The following PLAUR variants were observed in gnomAD, a reference collection of about 807,000 sequenced individuals.
PLAUR encodes plasminogen activator, urokinase receptor.
A neutral mutation model predicts 33.4 loss-of-function variants in PLAUR; 22 were observed. The observed-to-expected ratio is 0.66, with a 90% CI of 0.47 to 0.94. PLAUR has a LOEUF of 0.94. Among genes scored for constraint, PLAUR ranks in the 40% least tolerant of loss-of-function variants. The pLI is 0.00. For synonymous variants in PLAUR, 148 were observed against 167.3 expected, an observed-to-expected ratio of 0.88 and a Z score of 0.89; for missense variants, 408 against 434.7, an observed-to-expected ratio of 0.94 and a Z score of 0.55.
chr19:43,669,502 A>C (rs1322334193), intron 1 of PLAUR, among the ~76,000 whole-genome samples: 2 of 152,180 alleles, frequency 1.3e-5, no homozygotes, highest in Admixed American at 1.3e-4. Flanking sequence ...GAGGCTTCGA[A>C]GAACTCCATT....
At chr19:43,650,782 C>T (rs1184765862) in intron 6 of PLAUR, among the ~76,000 whole-genome samples, 2 of 151,906 alleles carry the variant, frequency 1.3e-5, no homozygotes, top group South Asian at 2.1e-4. Flanking sequence ...CATCTGTAAT[C>T]CCAGCACTTT....
chr19:43,656,925 T>A, intron 3 of PLAUR: 2 of 242,584 alleles, frequency 8.2e-6, no homozygotes, highest in Non-Finnish European at 1.6e-5. Context: ...CACATGGCCC[T>A]AGAAACATTT....
At chr19:43,646,942 G>A (rs1425034438), downstream of PLAUR, among the ~76,000 whole-genome samples, 4 of 151,658 alleles carry the variant, frequency 2.6e-5, no homozygotes, top group Admixed American at 6.6e-5. Context: ...CACCTTACCC[G>A]GTTAATTTTT....
intron 2 of PLAUR, chr19:43,667,197 C>T (rs344785): frequency 0.53 from 106,859 of 201,012 alleles, 28,770 homozygotes; most frequent in African/African-American, 0.57. Context: ...TCCAATTTTC[C>T]ATGTCACAAA....
intron 3 of PLAUR, among the ~76,000 whole-genome samples, chr19:43,662,745 C>T (rs1453479952): frequency 2.0e-5 from 3 of 149,546 alleles, no homozygotes; most frequent in Admixed American, 6.7e-5. Context: ...TGCAGGATCT[C>T]GCTCTGTCAC....
chr19:43,668,074 C>CA, intron 1 of PLAUR: 1 of 1,044,700 alleles, frequency 9.6e-7, no homozygotes, highest in African/African-American at 1.7e-5. Context: ...TACGCCTCTC[C>CA]AGTTCTGCTG....
chr19:43,652,989 T>A (rs186265663), intron 5 of PLAUR, among the ~76,000 whole-genome samples: 318 of 151,942 alleles, frequency 2.1e-3, no homozygotes, highest in African/African-American at 6.9e-3. Flanking sequence ...TACTAAAAAA[T>A]TTTTTTTGAG....
intron 1 of PLAUR, among the ~76,000 whole-genome samples, chr19:43,669,328 C>A (rs960812948): frequency 1.3e-5 from 2 of 152,164 alleles, no homozygotes; most frequent in African/African-American, 4.8e-5. Flanking sequence ...GAGGGGGAGA[C>A]CCAGCAGCGT....
chr19:43,655,991 ACGCTTGT>A (rs1175818250), intron 4 of PLAUR, among the ~76,000 whole-genome samples: 1 of 152,172 alleles, frequency 6.6e-6, no homozygotes, highest in Non-Finnish European at 1.5e-5. Context: ...GTGGTGGCTC[ACGCTTGT>A]AATCCCAGCA....
At chr19:43,655,603 G>T (rs1436136567) in intron 4 of PLAUR, 30 bp from the exon 5 acceptor site, 1 of 1,601,270 alleles carries the variant, frequency 6.2e-7, no homozygotes, top group Non-Finnish European at 8.5e-7. Context: ...GAGGTCAGAT[G>T]TCAGATTGTG....
At chr19:43,656,753 A>G in intron 3 of PLAUR, 113 bp from the exon 4 acceptor site, 1 of 833,434 alleles carries the variant, frequency 1.2e-6, no homozygotes, top group Non-Finnish European at 1.8e-6. Context: ...GCAGCCAGTC[A>G]TTGAGCCCTG....
intron 4 of PLAUR, 72 bp downstream of exon 4, chr19:43,656,407 G>A: frequency 1.5e-6 from 2 of 1,351,800 alleles, no homozygotes; most frequent in South Asian, 3.0e-5. Flanking sequence ...GTTACTTTGG[G>A]GTTGTTTGTT....
chr19:43,659,162 C>CTTTT (rs1555780377), intron 3 of PLAUR, among the ~76,000 whole-genome samples: 1 of 10,754 alleles, frequency 9.3e-5, no homozygotes, highest in Non-Finnish European at 1.9e-4. Flanking sequence ...TTTTTCTTTT[C>CTTTT]TTTTCTTTTT....
intron 3 of PLAUR, among the ~76,000 whole-genome samples, chr19:43,658,623 A>G (rs912755311): frequency 1.3e-5 from 2 of 152,100 alleles, no homozygotes; most frequent in African/African-American, 2.4e-5. Context: ...TCATTCCTCT[A>G]CCCAGCCCTT....
intron 3 of PLAUR, chr19:43,661,482 T>C (rs1170513916): frequency 6.6e-6 from 1 of 151,732 alleles, no homozygotes; most frequent in East Asian, 2.0e-4. Flanking sequence ...CTGTAACCTC[T>C]ACCTCCCGGG....
intron 1 of PLAUR, chr19:43,668,094 T>C: frequency 9.8e-7 from 1 of 1,022,536 alleles, no homozygotes; most frequent in Non-Finnish European, 1.2e-6. Flanking sequence ...GGGGACGTTC[T>C]AGCCTTGCCC....
At chr19:43,648,324 C>T (rs1034696404), downstream of PLAUR, among the ~76,000 whole-genome samples, 5 of 152,070 alleles carry the variant, frequency 3.3e-5, no homozygotes, top group Non-Finnish European at 5.9e-5. Flanking sequence ...TACAGGCACC[C>T]GCCACCACGT....
rs1555780395 is a variant in PLAUR at position 43,659,167 on chromosome 19, C to CTTTTTTTCTTTT, written c.311-2528_311-2527insAAAAGAAAAAAA. Among the ~76,000 whole-genome samples, 45 of 97,138 alleles carry CTTTTTTTCTTTT rather than the reference C, an allele frequency of 4.6e-4. 1 individual carries two copies. The highest frequency in any genetic ancestry group is 1.6e-3 in the African/African-American group (41 of 25,020). 63.7% of individuals were successfully genotyped at this position (97,138 alleles called of 152,430 possible). ...GCTATTTTCCTTTTTCTTTTCTTTTCTTTTTTTTTTTTTTTGAGATAGGGT... is the reference window on the plus strand; with the variant it reads ...GCTATTTTCCTTTTTCTTTTCTTTTCTTTTTTTCTTTTTTTTTTTTTTTTTTTGAGATAGGGT... On this transcript the variant is annotated intron_variant, in intron 3 of 6. Coordinates refer to ENST00000340093, the MANE Select transcript of PLAUR (RefSeq NM_002659.4).
chr19:43,654,596 C>T (rs1011026067), intron 5 of PLAUR, among the ~76,000 whole-genome samples: 1 of 151,792 alleles, frequency 6.6e-6, no homozygotes, highest in African/African-American at 2.4e-5. Flanking sequence ...TAGCTGGGTA[C>T]GGTGGCATGC....
Sources: allele counts gnomAD v4.1 joint callset (sites outside exome capture counted in the v4.1 genomes callset), GRCh38; gene constraint gnomAD v4.1.1; transcripts MANE v1.5; gene names NCBI Gene and HGNC (gene_info 2026-07-23, HGNC 2026-07-21).